CCNK: variants seen among roughly 807,000 people sequenced by gnomAD.
CCNK encodes the protein cyclin K, also known as cyclin-K.
In CCNK, 9 loss-of-function variants were observed where a neutral mutation model predicts 65.0. The observed-to-expected ratio is 0.14, with a 90% confidence interval of 0.08 to 0.24. The LOEUF (loss-of-function observed/expected upper bound fraction) is 0.24. Among genes scored for constraint, CCNK ranks in the 10% least tolerant of loss-of-function variants. The pLI is 1.00. For missense variants in CCNK, 474 were observed against 720.0 expected, an observed-to-expected ratio of 0.66 and a Z score of 3.91; for synonymous variants, 279 against 270.8, an observed-to-expected ratio of 1.03 and a Z score of -0.30.
At chr14:99,484,100 G>T (rs938377728) in intron 1 of CCNK, among the ~76,000 whole-genome samples, 1 of 152,214 alleles carries the variant, frequency 6.6e-6, no homozygotes, top group African/African-American at 2.4e-5. Context: ...AGTTTTCCTG[G>T]CTTGACAAAA....
intron 7 of CCNK, 126 bp from the exon 8 acceptor site, chr14:99,502,592 TG>T (rs781590046): frequency 3.3e-6 from 4 of 1,194,260 alleles, no homozygotes; most frequent in Non-Finnish European, 4.7e-6. Context: ...ACAACGAAGA[TG>T]GGGTGAGTTG....
intron 1 of CCNK, chr14:99,481,698 G>A (rs532813528): frequency 2.6e-4 from 102 of 386,174 alleles, no homozygotes; most frequent in Non-Finnish European, 4.1e-4. Context: ...GGGCAGGGAG[G>A]CCGGACTCAC....
chr14:99,490,713 G>A (rs1240243005), intron 1 of CCNK, among the ~76,000 whole-genome samples: 5 of 152,042 alleles, frequency 3.3e-5, no homozygotes, highest in African/African-American at 1.2e-4. Context: ...GGATCACGAG[G>A]TCAGGAGCTC....
intron 9 of CCNK, chr14:99,506,755 ATGCTCATGAAGACGT>A (rs1896985535): frequency 5.5e-6 from 2 of 366,692 alleles, no homozygotes; most frequent in Non-Finnish European, 1.0e-5. Flanking sequence ...TAGGTCATAC[ATGCTCATGAAGACGT>A]TGCTCTGCTG....
At chr14:99,485,113 G>A (rs1158578101) in intron 1 of CCNK, among the ~76,000 whole-genome samples, 1 of 152,202 alleles carries the variant, frequency 6.6e-6, no homozygotes. Context: ...CTACGATTTT[G>A]AGGACTGTCT....
Position 99,485,647 on chromosome 14 carries a change from C to T in CCNK, c.-53+4168C>T, listed in dbSNP as rs367607593. Among the ~76,000 whole-genome samples, 134 of 152,270 alleles carry T rather than the reference C, an allele frequency of 8.8e-4. 1 individual carries two copies. In the South Asian group the frequency reaches 0.011, roughly 12 times the overall value. ...TATAAAAACCAAAACAATAACAAAACCTACTCCCTACTATTCCCTGTTACT... is the reference window on the plus strand; with the variant it reads ...TATAAAAACCAAAACAATAACAAAATCTACTCCCTACTATTCCCTGTTACT... On this transcript the variant is annotated intron_variant, in intron 1 of 10. Coordinates refer to ENST00000389879, the MANE Select transcript of CCNK (RefSeq NM_001099402.2).
At position 99,502,956 on chromosome 14, in the gene CCNK, G is replaced by A. The variant is rs1896873456; in HGVS notation, c.983G>A (p.Ser328Asn). The change falls in exon 8 of 11, where the codon AGT becomes AAT. Residue 328 changes from serine to asparagine, a missense_variant. Coordinates refer to ENST00000389879, the MANE Select transcript of CCNK (RefSeq NM_001099402.2). The stretch of plus-strand genomic sequence containing the variant: ...CCCAAGAAACCCTCTCCGCAGCCCA[G>A]TTCTCCCCGACAGGTTAAGCGAGCC... Reference protein sequence around the residue: ...QQPKKPSPQPSSPRQVKRAVV... With the variant: ...QQPKKPSPQPNSPRQVKRAVV... 1.2e-6 allele frequency: 2 copies of A among 1,613,930 alleles called. No individual in the cohort carries two copies. The highest frequency in any genetic ancestry group is 4.5e-5 in the East Asian group (2 of 44,862).
intron 1 of CCNK, among the ~76,000 whole-genome samples, chr14:99,487,426 C>G (rs1242613756): frequency 6.6e-6 from 1 of 152,154 alleles, no homozygotes; most frequent in African/African-American, 2.4e-5. Flanking sequence ...GGCAACCCCC[C>G]AGTTAGGAAA....
intron 4 of CCNK, among the ~76,000 whole-genome samples, chr14:99,497,913 T>G (rs1425386354): frequency 6.6e-6 from 1 of 152,210 alleles, no homozygotes; most frequent in Non-Finnish European, 1.5e-5. Flanking sequence ...AAATGCAGTT[T>G]TATAGAAATA....
intron 4 of CCNK, among the ~76,000 whole-genome samples, chr14:99,498,454 T>G (rs749717579): frequency 3.3e-5 from 5 of 152,174 alleles, no homozygotes; most frequent in Non-Finnish European, 7.4e-5. Flanking sequence ...TGTTTTCCTC[T>G]GCAGACAGGA....
intron 7 of CCNK, 25 bp downstream of exon 7, chr14:99,502,401 G>T (rs116241246): frequency 1.2e-6 from 2 of 1,608,850 alleles, no homozygotes; most frequent in East Asian, 2.2e-5. Context: ...AAGCGTTCTC[G>T]TGAGGGTGTT....
intron 9 of CCNK, chr14:99,504,036 C>T (rs1314237302): frequency 2.2e-5 from 8 of 368,376 alleles, no homozygotes; most frequent in Non-Finnish European, 3.7e-5. Flanking sequence ...GTGTGCTGCC[C>T]GGACAGCACC....
At chr14:99,504,408 T>C (rs1896920325) in intron 9 of CCNK, 1 of 152,024 alleles carries the variant, frequency 6.6e-6, no homozygotes. Context: ...CTTTTTTTTT[T>C]TTTCCAGTAT....
At position 99,506,839 on chromosome 14, in the gene CCNK, T is replaced by C. The variant is rs1595324669; in HGVS notation, c.1046-237T>C. The C allele has an allele frequency of 2.8e-5, 14 of 491,530 alleles. No homozygotes were observed. The East Asian group carries it at 5.3e-4, about 18-fold the overall frequency. The allele number at this position is 491,530 out of a possible 1,614,324, so 30.4% of individuals were successfully genotyped here. A position where few individuals can be genotyped will look rare whatever the true frequency, so the allele number is the denominator to read the frequency against. On this transcript the variant is annotated intron_variant, in intron 9 of 10. Transcript: ENST00000389879. ...GTCAGCAAGGAAACTTAGGTAGACA[T>C]GGAAAATGGGCTGCCTGTGGGAAGC...
intron 9 of CCNK, chr14:99,504,401 T>C (rs1454321306): frequency 6.6e-6 from 1 of 152,498 alleles, no homozygotes; most frequent in Non-Finnish European, 1.5e-5. Context: ...AGAGCTACTT[T>C]TTTTTTTTTT....
At position 99,492,727 on chromosome 14, in the gene CCNK, T is replaced by G. The variant is rs781186631; in HGVS notation, c.50T>G (p.Leu17Arg). ...NSSPSVTSANLDHTKPCWYWD... is the reference protein window; with the variant it reads ...NSSPSVTSANRDHTKPCWYWD... ...AGCCCTTCAGTAACTTCAGCAAACC[T>G]GGACCACACAAAGCCATGTTGGTAC... The change falls in exon 2 of 11, where the codon CTG (leucine) becomes CGG (arginine). Residue 17 changes from leucine (L) to arginine (R), a missense_variant. Physicochemically the swap from Leu to Arg is moderately radical, Grantham distance 102. This residue lies in a region of CCNK where 87 missense variants were observed against 166.2 expected (regional missense o/e 0.52). Transcript: ENST00000389879. The G allele has an allele frequency of 6.2e-7, 1 of 1,612,104 alleles. No homozygotes were observed. The highest frequency in any genetic ancestry group is 2.2e-5 in the East Asian group (1 of 44,854).
chr14:99,492,944 T>C, intron 2 of CCNK, 70 bp downstream of exon 2: 1 of 1,262,970 alleles, frequency 7.9e-7, no homozygotes, highest in Non-Finnish European at 1.1e-6. Flanking sequence ...AATTAGATTC[T>C]GTAGACAAAA....
intron 9 of CCNK, chr14:99,504,398 CT>C (rs200996508): frequency 1.7e-3 from 231 of 136,788 alleles, no homozygotes; most frequent in Middle Eastern, 7.6e-3. Context: ...GATAGAGCTA[CT>C]TTTTTTTTTT....
Position 99,500,748 on chromosome 14 carries a change from T to A in CCNK, c.412-18T>A. 1 of 1,467,358 alleles carries A rather than the reference T, an allele frequency of 6.8e-7. No homozygotes were observed. The highest frequency in any genetic ancestry group is 9.4e-7 in the Non-Finnish European group (1 of 1,068,332). 90.9% of individuals were successfully genotyped at this position (1,467,358 alleles called of 1,614,324 possible). A position where few individuals can be genotyped will look rare whatever the true frequency, so the allele number is the denominator to read the frequency against. ...TGCAATTGTAATTACTGTCCTAACA[T>A]TTGTGATTGATTTTTAGGAGGAAGT... On this transcript the variant is annotated intron_variant, in intron 4 of 10. Coordinates refer to ENST00000389879, the MANE Select transcript of CCNK (RefSeq NM_001099402.2).
Sources: gnomAD v4.1 joint callset for allele counts (sites outside exome capture counted in the v4.1 genomes callset) on GRCh38, gnomAD v4.1.1 for gene constraint, gnomAD v4.1.1 regional missense constraint, MANE v1.5 for transcripts, NCBI Gene and HGNC (gene_info 2026-07-23, HGNC 2026-07-21) for gene names.